Variants in ATP13A5 observed in about 807,000 individuals in gnomAD.
The protein encoded by ATP13A5 is ATPase 13A5.
In ATP13A5, 149 loss-of-function variants were observed where a neutral mutation model predicts 150.2. That is an observed-to-expected ratio of 0.99 (90% CI 0.87 to 1.14). ATP13A5 has a LOEUF of 1.14. ATP13A5 is among the 50% of genes most tolerant of loss of function. The pLI is 0.00. For synonymous variants in ATP13A5, 497 were observed against 522.2 expected, an observed-to-expected ratio of 0.95 and a Z score of 0.66; for missense variants, 1,383 against 1,449.3, an observed-to-expected ratio of 0.95 and a Z score of 0.74.
intron 1 of ATP13A5, among the ~76,000 whole-genome samples, chr3:193,366,462 A>C (rs1412988951): frequency 6.6e-6 from 1 of 152,050 alleles, no homozygotes; most frequent in East Asian, 1.9e-4. Context: ...TATCACACAA[A>C]TTATATTTCT....
chr3:193,333,763 T>C lies in ATP13A5; in HGVS notation c.1259A>G (p.Tyr420Cys), dbSNP rs780118780. 149 of 1,613,712 alleles carry C rather than the reference T, an allele frequency of 9.2e-5. No individual in the cohort carries two copies. Among genetic ancestry groups the C allele is most frequent in the Admixed American group, 2.2e-4 (13 of 59,988 alleles). ...VMGFFYALGV[Y>C]MYHGVPPKDT... ...CCCAGTACTTACTCCATGGTACATATATACCCCTAGGGCATAGAAAAAACC... is the reference window on the plus strand; with the variant it reads ...CCCAGTACTTACTCCATGGTACATACATACCCCTAGGGCATAGAAAAAACC... Residue 420 changes from tyrosine (Y) to cysteine (C), a missense_variant, in exon 11 of 30, where the codon TAT becomes TGT. Physicochemically the swap from Tyr to Cys is radical, Grantham distance 194. This residue lies in a region of ATP13A5 where 787 missense variants were observed against 771.9 expected (regional missense o/e 1.02). Coordinates refer to ENST00000342358, the MANE Select transcript of ATP13A5 (RefSeq NM_198505.4).
rs1462754639 is a variant in ATP13A5, at chr3:193,324,960, C to T, written c.1578G>A (p.Leu526=). 6.2e-7 allele frequency: 1 copy of T among 1,614,002 alleles called. No homozygotes were observed. The highest frequency in any genetic ancestry group is 2.2e-5 in the East Asian group (1 of 44,874). ...ASGQAVPWSP[L]CAAMASCHSL... is the part of the protein sequence containing the mutation. ...AGTGGCAGCTGGCCATGGCCGCACA[C>T]AGTGGGCTCCATGGCACAGCCTGGC... Residue 526 remains leucine, a synonymous_variant, in exon 14 of 30, where the codon CTG becomes CTA. Transcript: ENST00000342358.
intron 7 of ATP13A5, among the ~76,000 whole-genome samples, chr3:193,349,470 A>G (rs957779021): frequency 7.0e-6 from 1 of 142,694 alleles, no homozygotes; most frequent in Admixed American, 7.3e-5. Context: ...AAGCAAAACA[A>G]TAAACCATAA....
chr3:193,281,444 G>C (rs977962670), intron 27 of ATP13A5, among the ~76,000 whole-genome samples: 7 of 152,214 alleles, frequency 4.6e-5, no homozygotes, highest in African/African-American at 1.7e-4. Context: ...TTGGTTAGTT[G>C]CTGCTGCTGA....
At chr3:193,354,296 T>G in intron 5 of ATP13A5, 100 bp from the exon 6 acceptor site, 1 of 1,043,420 alleles carries the variant, frequency 9.6e-7, no homozygotes, top group Non-Finnish European at 1.4e-6. Context: ...TCTTTGGAGA[T>G]TTTGTGACTT....
In ATP13A5 at chr3:193,314,023, A is replaced by G. The variant is rs1272534025; in HGVS notation, c.2319+10T>C. 7 of 1,612,110 alleles carry G rather than the reference A, an allele frequency of 4.3e-6. No homozygotes were observed. The highest frequency in any genetic ancestry group is 1.3e-5 in the African/African-American group (1 of 74,858). On this transcript the variant is annotated intron_variant, in intron 19 of 29. Coordinates refer to ENST00000342358, the MANE Select transcript of ATP13A5 (RefSeq NM_198505.4). ...TAGGCCCACGGAGGGGCCTTCTAAC[A>G]TTTGCTCACTTTCTTCCCAGGTCCA... is the stretch of plus-strand genomic sequence containing the variant.
intron 5 of ATP13A5, among the ~76,000 whole-genome samples, chr3:193,357,405 G>A (rs1343141639): frequency 6.6e-6 from 1 of 152,108 alleles, no homozygotes; most frequent in Non-Finnish European, 1.5e-5. Context: ...TGAAATCACA[G>A]CCTGGCATGC....
intron 18 of ATP13A5, 95 bp from the exon 19 acceptor site, chr3:193,314,288 T>C: frequency 7.3e-7 from 1 of 1,372,902 alleles, no homozygotes. Context: ...TGGTGTTCTT[T>C]GAGAGCATTT....
chr3:193,349,160 T>C (rs762689518), intron 7 of ATP13A5, among the ~76,000 whole-genome samples: 2 of 152,218 alleles, frequency 1.3e-5, no homozygotes, highest in Admixed American at 6.5e-5. Context: ...CTGGCTCATT[T>C]TGTGGAGTGT....
rs567937218 is a variant in ATP13A5 at position 193,332,501 on chromosome 3, C to T, written c.1273-1190G>A. Among the ~76,000 whole-genome samples, 29 of 152,276 alleles carry T rather than the reference C, an allele frequency of 1.9e-4. No homozygotes were observed. In the South Asian group the frequency reaches 6.0e-3, roughly 32 times the overall value. ...CATGCTCTAGATATTAATGATTCTACCCTCTAGAACCTCACCTATGTTTTT... is the reference window on the plus strand; with the variant it reads ...CATGCTCTAGATATTAATGATTCTATCCTCTAGAACCTCACCTATGTTTTT... On this transcript the variant is annotated intron_variant, in intron 11 of 29. Transcript: ENST00000342358.
intron 22 of ATP13A5, among the ~76,000 whole-genome samples, chr3:193,306,667 T>G (rs1019096894): frequency 6.6e-6 from 1 of 152,192 alleles, no homozygotes; most frequent in South Asian, 2.1e-4. Context: ...AAGTACATAA[T>G]CTTGAAGGTA....
chr3:193,338,882 T>A (rs1361718981), intron 9 of ATP13A5, among the ~76,000 whole-genome samples: 1 of 152,202 alleles, frequency 6.6e-6, no homozygotes, highest in Non-Finnish European at 1.5e-5. Flanking sequence ...TTTTGGTTGG[T>A]AGGCTATTAA....
chr3:193,369,016 G>A (rs1006257783), intron 1 of ATP13A5, among the ~76,000 whole-genome samples: 1 of 152,186 alleles, frequency 6.6e-6, no homozygotes, highest in African/African-American at 2.4e-5. Flanking sequence ...AGCTGAGGCT[G>A]GAGGATTGCT....
intron 1 of ATP13A5, 59 bp downstream of exon 1, chr3:193,378,604 G>T: frequency 7.1e-7 from 1 of 1,400,060 alleles, no homozygotes; most frequent in Non-Finnish European, 1.0e-6. Flanking sequence ...TTCAGCTGTA[G>T]CCCATACTCA....
At chr3:193,334,040 A>C in intron 10 of ATP13A5, 133 bp from the exon 11 acceptor site, 1 of 811,962 alleles carries the variant, frequency 1.2e-6, no homozygotes, top group East Asian at 2.8e-5. Context: ...ATAAGTTTTC[A>C]GGTGGTTTTC....
rs748504342 is a variant in ATP13A5 at position 193,378,679 on chromosome 3, C to T, written c.47G>A (p.Gly16Glu). ...KKDHRALLNQ[G>E]EEDELEVFGY... ...AAGACTCACCAGTTCATCCTCCTCT[C>T]CCTGGTTGAGCAAAGCCCGATGGTC... Residue 16 changes from glycine to glutamate, a missense_variant, in exon 1 of 30, where the codon GGA becomes GAA. Around this residue, in one of 3 missense-constraint regions of ATP13A5, gnomAD observed 787 missense variants for 771.9 expected, o/e 1.02. Coordinates refer to ENST00000342358, the MANE Select transcript of ATP13A5 (RefSeq NM_198505.4). 10 of 1,613,776 alleles carry T rather than the reference C, an allele frequency of 6.2e-6. No homozygotes were observed. Among genetic ancestry groups the T allele is most frequent in the Non-Finnish European group, 8.5e-6 (10 of 1,179,796 alleles).
Position 193,364,180 on chromosome 3 carries a change from G to A in ATP13A5, c.164C>T (p.Pro55Leu), listed in dbSNP as rs1218187775. ...GGLLLVFYWR[P>L]QWRVWANCIP... Reference sequence around the variant, plus strand: ...GCAGTTGGCCCACACTCTCCACTGGGGTCTCCAGTAGAACACCAGCAGAAG... The same window carrying A: ...GCAGTTGGCCCACACTCTCCACTGGAGTCTCCAGTAGAACACCAGCAGAAG... The change falls in exon 2 of 30, where the codon CCC becomes CTC. Residue 55 changes from proline (P) to leucine (L), a missense_variant. Transcript: ENST00000342358. The A allele has an allele frequency of 1.2e-6, 2 of 1,613,892 alleles. No homozygotes were observed. The highest frequency in any genetic ancestry group is 2.7e-5 in the African/African-American group (2 of 74,878).
At chr3:193,308,470 A>G (rs1718707388) in intron 21 of ATP13A5, among the ~76,000 whole-genome samples, 1 of 152,192 alleles carries the variant, frequency 6.6e-6, no homozygotes, top group African/African-American at 2.4e-5. Flanking sequence ...AAAACAAAAA[A>G]AAGTCAAATG....
intron 6 of ATP13A5, among the ~76,000 whole-genome samples, chr3:193,353,729 C>T (rs1337789524): frequency 6.6e-6 from 1 of 152,160 alleles, no homozygotes; most frequent in East Asian, 1.9e-4. Context: ...AGAAATGGGT[C>T]CTCACCGGGA....
Sources: allele counts gnomAD v4.1 joint callset (sites outside exome capture counted in the v4.1 genomes callset), GRCh38; gene constraint gnomAD v4.1.1; regional missense constraint gnomAD v4.1.1; transcripts MANE v1.5; gene names NCBI Gene and HGNC (gene_info 2026-07-23, HGNC 2026-07-21).